The following NCAPH variants were observed in gnomAD, a reference collection of about 807,000 sequenced individuals.
The protein encoded by NCAPH is non-SMC condensin I complex subunit H.
Under a neutral mutation model 85.5 loss-of-function variants are expected in NCAPH, and 38 were observed. The observed-to-expected ratio is 0.44, with a 90% confidence interval of 0.34 to 0.58. The LOEUF (loss-of-function observed/expected upper bound fraction) is 0.58. NCAPH is among the 20% of genes least tolerant of loss of function. The pLI, the probability that NCAPH is intolerant of heterozygous loss-of-function variation, is 0.01. For synonymous variants in NCAPH, 301 were observed against 335.1 expected, an observed-to-expected ratio of 0.90 and a Z score of 1.11; for missense variants, 789 against 916.6, an observed-to-expected ratio of 0.86 and a Z score of 1.80.
At chr2:96,370,719 C>A (rs1397324099) in intron 17 of NCAPH, among the ~76,000 whole-genome samples, 1 of 152,202 alleles carries the variant, frequency 6.6e-6, no homozygotes, top group South Asian at 2.1e-4. Context: ...AGAAGAGCCA[C>A]TGGGCCAGGA....
rs1352503685 is a variant in NCAPH, at chr2:96,359,026, A to G, written c.1209-19A>G. The G allele has an allele frequency of 1.9e-6, 3 of 1,612,912 alleles. No homozygotes were observed. The highest frequency in any genetic ancestry group is 2.5e-6 in the Non-Finnish European group (3 of 1,179,126). On this transcript the variant is annotated intron_variant, in intron 9 of 17. Transcript: ENST00000240423. ...ATTATAATATATGTATTGTACATGT[A>G]CAAATATGTGTGTTACAGGGAAGAA...
chr2:96,377,042 A>G lies in NCAPH; in HGVS notation c.*3691A>G, dbSNP rs758354042. Among the ~76,000 whole-genome samples, 4 of 151,666 alleles carry G rather than the reference A, an allele frequency of 2.6e-5. No individual in the cohort carries two copies. The highest frequency in any genetic ancestry group is 4.4e-5 in the Non-Finnish European group (3 of 67,982). ...ATGTACCCCATAAATATATGCACCT[A>G]CTATGTACCCACAACTATTTAAAAA... On this transcript the variant is annotated 3_prime_UTR_variant, in exon 18 of 18. Transcript: ENST00000240423.
At chr2:96,348,186 C>T (rs1028004863) in intron 6 of NCAPH, among the ~76,000 whole-genome samples, 1 of 150,978 alleles carries the variant, frequency 6.6e-6, no homozygotes, top group Non-Finnish European at 1.5e-5. Flanking sequence ...GCCAAGGTCT[C>T]TCTCTTTTTT....
At chr2:96,366,243 C>T (rs1645381304) in intron 14 of NCAPH, among the ~76,000 whole-genome samples, 185 bp downstream of exon 14, 1 of 152,218 alleles carries the variant, frequency 6.6e-6, no homozygotes, top group Non-Finnish European at 1.5e-5. Flanking sequence ...AACTGACCAT[C>T]TCTCCAAAGA....
intron 14 of NCAPH, 31 bp from the exon 15 acceptor site, chr2:96,367,226 T>G: frequency 6.8e-7 from 1 of 1,466,808 alleles, no homozygotes; most frequent in Non-Finnish European, 9.5e-7. Context: ...TTTATTCTGC[T>G]TAGTTTTACT....
intron 17 of NCAPH, 22 bp downstream of exon 17, chr2:96,369,522 G>A: frequency 6.2e-7 from 1 of 1,600,424 alleles, no homozygotes; most frequent in Non-Finnish European, 8.6e-7. Context: ...AGGTAAGCAT[G>A]GGAGTATTAG....
rs1377672241 is a variant in NCAPH at position 96,342,082 on chromosome 2, T to C, written c.305T>C (p.Phe102Ser). 1 of 1,613,128 alleles carries C rather than the reference T, an allele frequency of 6.2e-7. No homozygotes were observed. The highest frequency in any genetic ancestry group is 1.1e-5 in the South Asian group (1 of 91,064). ...GACATTTCAGCTACTATCCCCAAGT[T>C]TACAAACACGCAGATTACGGAACAT... ...SIDISATIPK[F>S]TNTQITEHYS... Residue 102 changes from phenylalanine to serine, a missense_variant, in exon 3 of 18, where the codon TTT (phenylalanine) becomes TCT (serine). Transcript: ENST00000240423.
chr2:96,361,806 G>GTATATA (rs1220395616), intron 12 of NCAPH, among the ~76,000 whole-genome samples: 12 of 76,752 alleles, frequency 1.6e-4, no homozygotes, highest in African/African-American at 4.1e-4. Context: ...ATATATATGT[G>GTATATA]TATATATATA....
intron 7 of NCAPH, among the ~76,000 whole-genome samples, chr2:96,353,099 G>A (rs944356914): frequency 3.3e-5 from 5 of 152,222 alleles, no homozygotes; most frequent in Non-Finnish European, 5.9e-5. Context: ...CAGCGTGGGT[G>A]TGGCCGACGC....
At chr2:96,346,557 G>A (rs927683919) in intron 6 of NCAPH, among the ~76,000 whole-genome samples, 8 of 152,264 alleles carry the variant, frequency 5.3e-5, no homozygotes, top group Admixed American at 1.3e-4. Context: ...GTAAAGGTGT[G>A]GTTGCATTCA....
intron 12 of NCAPH, 125 bp from the exon 13 acceptor site, chr2:96,364,356 G>A (rs1025693144): frequency 6.5e-6 from 4 of 619,770 alleles, no homozygotes; most frequent in Non-Finnish European, 1.1e-5. Context: ...ACTTGTGAGG[G>A]CCCTTCTGAC....
intron 12 of NCAPH, among the ~76,000 whole-genome samples, chr2:96,363,829 CT>C (rs1319022220): frequency 6.3e-4 from 92 of 145,362 alleles, no homozygotes; most frequent in Non-Finnish European, 5.0e-4. Flanking sequence ...ATGGGTTTTC[CT>C]TTTTTTTTTT....
In NCAPH at chr2:96,373,425, A is replaced by G; in HGVS notation, c.*74A>G. 7.0e-7 allele frequency: 1 copy of G among 1,426,402 alleles called. No homozygotes were observed. Among genetic ancestry groups the G allele is most frequent in the Non-Finnish European group, 9.9e-7 (1 of 1,012,134 alleles). The allele number at this position is 1,426,402 out of a possible 1,614,324, so 88.4% of individuals were successfully genotyped here. A position where few individuals can be genotyped will look rare whatever the true frequency, so the allele number is the denominator to read the frequency against. ...GCCGGGACATCCCCAGTCTCGGGGG[A>G]AGAAGATGCCATGGGCTTATACCCA... On this transcript the variant is annotated 3_prime_UTR_variant, in exon 18 of 18. Coordinates refer to ENST00000240423, the MANE Select transcript of NCAPH (RefSeq NM_015341.5).
intron 3 of NCAPH, 124 bp from the exon 4 acceptor site, chr2:96,342,630 AAG>A (rs1397736177): frequency 1.3e-6 from 1 of 762,088 alleles, no homozygotes; most frequent in Admixed American, 2.6e-5. Flanking sequence ...TGTTTTTGGG[AAG>A]AGAGATCAGT....
At position 96,344,136 on chromosome 2, in the gene NCAPH, A is replaced by G; in HGVS notation, c.627A>G (p.Lys209=). The G allele has an allele frequency of 6.2e-7, 1 of 1,613,428 alleles. No homozygotes were observed. The highest frequency in any genetic ancestry group is 8.5e-7 in the Non-Finnish European group (1 of 1,179,830). Residue 209 remains lysine, a synonymous_variant, in exon 6 of 18, where the codon AAA becomes AAG. Transcript: ENST00000240423. Reference sequence around the variant, plus strand: ...GTGCTACTGAAATGGGAACAACCAAAAAGGCTGTAAAGCCAAAGAAGAAGC... The same window carrying G: ...GTGCTACTGAAATGGGAACAACCAAGAAGGCTGTAAAGCCAAAGAAGAAGC... ...DGSATEMGTT[K]KAVKPKKKHL... is the part of the protein sequence containing the mutation.
chr2:96,360,325 A>G (rs2064587664), intron 11 of NCAPH, 76 bp downstream of exon 11: 15 of 953,114 alleles, frequency 1.6e-5, no homozygotes, highest in Non-Finnish European at 2.2e-5. Context: ...TTCCGTATAA[A>G]TTTAACTGTT....
Position 96,342,134 on chromosome 2 carries a change from T to G in NCAPH, c.357T>G (p.Thr119=). ...ACTCCACCTGTATCAAACTGTCCAC[T>G]GAAAATGTGAGTATTTGCTGGTTTA... is the stretch of plus-strand genomic sequence containing the variant. The part of the protein sequence containing the change: ...EHYSTCIKLS[T]ENKITTKNAF... The change falls in exon 3 of 18, where the codon ACT becomes ACG. Residue 119 remains threonine (T), a synonymous_variant. Transcript: ENST00000240423. The G allele has an allele frequency of 6.2e-7, 1 of 1,603,330 alleles. No homozygotes were observed. The highest frequency in any genetic ancestry group is 1.3e-5 in the African/African-American group (1 of 74,752).
intron 5 of NCAPH, among the ~76,000 whole-genome samples, chr2:96,343,843 G>T (rs2064328739): frequency 6.6e-6 from 1 of 152,076 alleles, no homozygotes; most frequent in Non-Finnish European, 1.5e-5. Flanking sequence ...TGGGACTACA[G>T]GTGTGCATCT....
chr2:96,341,983 C>G, intron 2 of NCAPH, 67 bp from the exon 3 acceptor site: 1 of 1,604,814 alleles, frequency 6.2e-7, no homozygotes, highest in East Asian at 2.2e-5. Context: ...CTTCATGGGT[C>G]TAGGTTTTGA....
Sources: gnomAD v4.1 joint callset for allele counts (sites outside exome capture counted in the v4.1 genomes callset) on GRCh38, gnomAD v4.1.1 for gene constraint, MANE v1.5 for transcripts, NCBI Gene and HGNC (gene_info 2026-07-23, HGNC 2026-07-21) for gene names.